NAV2: variants seen among roughly 807,000 people sequenced by gnomAD.
NAV2 encodes helicase, APC down-regulated 1.
NAV2 carries 54 observed loss-of-function variants against 223.2 expected under a neutral mutation model. The ratio of observed to expected loss-of-function variants is 0.24; its 90% CI spans 0.19 to 0.30. NAV2 has a LOEUF of 0.30. Among genes scored for constraint, NAV2 ranks in the 10% least tolerant of loss-of-function variants. The pLI is 1.00. For missense variants in NAV2, 2,806 were observed against 3,147.5 expected (o/e 0.89, Z 2.60); for synonymous variants, 1,279 against 1,239.3 (o/e 1.03, Z -0.67).
chr11:19,424,781 C>T (rs545702413), intron 1 of NAV2, among the ~76,000 whole-genome samples: 77 of 152,182 alleles, frequency 5.1e-4, no homozygotes, highest in African/African-American at 1.8e-3. Context: ...TAACTCCTGA[C>T]CTCAAGTGAT....
At chr11:19,615,524 T>C (rs2046765745) in intron 1 of NAV2, among the ~76,000 whole-genome samples, 1 of 152,034 alleles carries the variant, frequency 6.6e-6, no homozygotes, top group Admixed American at 6.5e-5. Flanking sequence ...TACACCCATA[T>C]ACACATATAT....
chr11:19,459,031 G>T (rs895821791), intron 1 of NAV2, among the ~76,000 whole-genome samples: 1 of 152,268 alleles, frequency 6.6e-6, no homozygotes, highest in Non-Finnish European at 1.5e-5. Context: ...AGATGAGCGT[G>T]GGAAGGCGGG....
intron 1 of NAV2, among the ~76,000 whole-genome samples, chr11:19,615,686 T>G (rs1235880688): frequency 2.0e-5 from 3 of 152,152 alleles, no homozygotes; most frequent in African/African-American, 7.2e-5. Flanking sequence ...GGGGAAGCAT[T>G]GAAGATGGCG....
Position 20,095,785 on chromosome 11 carries a change from A to G in NAV2, c.6012+18A>G, listed in dbSNP as rs2289565. 84 of 1,588,368 alleles carry G rather than the reference A, an allele frequency of 5.3e-5. No homozygotes were observed. In the East Asian group the frequency reaches 1.6e-3, roughly 30 times the overall value. Reference sequence around the variant, plus strand: ...TGTTCAAAGTAAGTGTTTCAAGACAACGGCTACAGCATACTACCTAACATG... The same window carrying G: ...TGTTCAAAGTAAGTGTTTCAAGACAGCGGCTACAGCATACTACCTAACATG... On this transcript the variant is annotated intron_variant, in intron 30 of 37. Coordinates refer to ENST00000349880, the MANE Select transcript of NAV2 (RefSeq NM_145117.5).
intron 11 of NAV2, among the ~76,000 whole-genome samples, chr11:20,019,921 G>A (rs1228398792): frequency 4.6e-5 from 7 of 151,986 alleles, no homozygotes; most frequent in African/African-American, 1.7e-4. Context: ...TTGCCTGGTG[G>A]GTTGAAGGAT....
chr11:20,094,848 C>G (rs1470116751), intron 29 of NAV2, among the ~76,000 whole-genome samples: 1 of 152,176 alleles, frequency 6.6e-6, no homozygotes, highest in African/African-American at 2.4e-5. Flanking sequence ...GACACCTCCC[C>G]CACCTCCACC....
chr11:19,546,707 A>C (rs7107482), intron 1 of NAV2, among the ~76,000 whole-genome samples: 54,187 of 152,048 alleles, frequency 0.36, 15,585 homozygotes, highest in African/African-American at 0.81. Context: ...TGAGTACACT[A>C]TCTCTTAACT....
At chr11:20,094,483 C>T (rs1444188649) in intron 29 of NAV2, among the ~76,000 whole-genome samples, 5 of 152,108 alleles carry the variant, frequency 3.3e-5, no homozygotes, top group Non-Finnish European at 7.4e-5. Flanking sequence ...CTGCCTCGGC[C>T]TCCCAAAGTG....
intron 10 of NAV2, among the ~76,000 whole-genome samples, chr11:19,966,989 G>A (rs1343788697): frequency 6.6e-6 from 1 of 152,170 alleles, no homozygotes; most frequent in Non-Finnish European, 1.5e-5. Context: ...AATAATACAG[G>A]TCGTGTTCAT....
intron 1 of NAV2, among the ~76,000 whole-genome samples, chr11:19,662,947 T>C (rs60437225): frequency 0.01 from 1,544 of 152,332 alleles, 27 homozygotes; most frequent in African/African-American, 0.035. Context: ...CCACATTCCA[T>C]GCCTCGTGGA....
chr11:19,793,148 C>T (rs2057642312), intron 1 of NAV2, among the ~76,000 whole-genome samples: 1 of 139,750 alleles, frequency 7.2e-6, no homozygotes, highest in Non-Finnish European at 1.5e-5. Flanking sequence ...ACAGAGGTTG[C>T]AGTGAGCCGA....
chr11:19,679,864 G>A lies in NAV2; in HGVS notation c.76-152620G>A, dbSNP rs1339505972. 2.6e-5 allele frequency among the ~76,000 whole-genome samples: 4 copies of A among 152,304 alleles called. No homozygotes were observed. In the East Asian group the frequency reaches 7.7e-4, roughly 29 times the overall value. Reference sequence around the variant, plus strand: ...TAACATAGAACTTAACACATAATGTGTGCTCCTTAAATACCTGAGGAATGA... The same window carrying A: ...TAACATAGAACTTAACACATAATGTATGCTCCTTAAATACCTGAGGAATGA... On this transcript the variant is annotated intron_variant, in intron 1 of 37. Transcript: ENST00000360655.
intron 31 of NAV2, among the ~76,000 whole-genome samples, chr11:20,100,380 T>A (rs1554965233): frequency 6.6e-6 from 1 of 152,206 alleles, no homozygotes; most frequent in Non-Finnish European, 1.5e-5. Flanking sequence ...GCATTTTTCC[T>A]CCTTTTAAAG....
intron 1 of NAV2, among the ~76,000 whole-genome samples, chr11:19,374,627 C>G (rs938230202): frequency 4.6e-5 from 7 of 152,192 alleles, no homozygotes; most frequent in African/African-American, 1.7e-4. Flanking sequence ...AGAACTCAAC[C>G]ATGACTTAAT....
At chr11:20,082,582 T>C (rs1399114281) in intron 25 of NAV2, 2 of 1,614,088 alleles carry the variant, frequency 1.2e-6, no homozygotes, top group Non-Finnish European at 1.7e-6. Context: ...GCTTGCGTTT[T>C]CTCTGGCAGG....
rs528193415 is a variant in NAV2 at position 19,628,887 on chromosome 11, C to T, written c.76-203597C>T. On this transcript the variant is annotated intron_variant, in intron 1 of 37. Transcript: ENST00000360655. ...GCTCTATCCCAGCTACTCTGAGAGG[C>T]GCTCCCTCCCCGGTACTCCCATGGA... Among the ~76,000 whole-genome samples the T allele has an allele frequency of 4.3e-4, 66 of 152,234 alleles. 1 individual carries two copies. The highest frequency in any genetic ancestry group is 4.6e-4 in the Admixed American group (7 of 15,294).
At chr11:19,389,689 G>C (rs185029646) in intron 1 of NAV2, among the ~76,000 whole-genome samples, 6 of 152,340 alleles carry the variant, frequency 3.9e-5, no homozygotes, top group African/African-American at 1.2e-4. Context: ...ATGGCACACA[G>C]TAGGTACTTT....
intron 4 of NAV2, among the ~76,000 whole-genome samples, chr11:19,869,418 C>T (rs1021612250): frequency 1.3e-5 from 2 of 152,206 alleles, no homozygotes; most frequent in Admixed American, 6.5e-5. Flanking sequence ...TTCGAGGAAG[C>T]AGCACTTTTT....
chr11:19,701,777 T>C lies in NAV2; in HGVS notation c.76-130707T>C, dbSNP rs114928057. ...GCCAAAAAATAAAAGACAATTCCTGTGTATTTTGTTTTTTTCCACCCGTGA... is the reference window on the plus strand; with the variant it reads ...GCCAAAAAATAAAAGACAATTCCTGCGTATTTTGTTTTTTTCCACCCGTGA... On this transcript the variant is annotated intron_variant, in intron 1 of 37. Coordinates refer to the NAV2 transcript ENST00000360655. 6.3e-3 allele frequency among the ~76,000 whole-genome samples: 952 copies of C among 152,266 alleles called. 12 individuals are homozygous for C. The highest frequency in any genetic ancestry group is 0.022 in the African/African-American group (909 of 41,550).
Sources: gnomAD v4.1 joint callset for allele counts (sites outside exome capture counted in the v4.1 genomes callset) on GRCh38, gnomAD v4.1.1 for gene constraint, MANE v1.5 for transcripts, NCBI Gene and HGNC (gene_info 2026-07-23, HGNC 2026-07-21) for gene names.